MTMR7: variants seen among roughly 807,000 people sequenced by gnomAD.
MTMR7 encodes phosphatidylinositol-3-phosphate phosphatase MTMR7.
MTMR7 carries 76 observed loss-of-function variants against 81.2 expected under a neutral mutation model. The observed-to-expected ratio is 0.94, with a 90% CI of 0.78 to 1.13. The LOEUF is 1.13. MTMR7 is among the 50% of genes most tolerant of loss of function. MTMR7 has a pLI of 0.00. For synonymous variants in MTMR7, 372 were observed against 289.8 expected, an observed-to-expected ratio of 1.28 and a Z score of -2.88; for missense variants, 1,044 against 820.0, an observed-to-expected ratio of 1.27 and a Z score of -3.34.
chr8:17,329,831 G>A (rs1818903550), intron 7 of MTMR7, among the ~76,000 whole-genome samples: 1 of 152,168 alleles, frequency 6.6e-6, no homozygotes, highest in South Asian at 2.1e-4. Flanking sequence ...CATGCCCAGG[G>A]TATGATCACT....
At chr8:17,409,353 G>C (rs1283626891) in intron 1 of MTMR7, among the ~76,000 whole-genome samples, 1 of 152,002 alleles carries the variant, frequency 6.6e-6, no homozygotes, top group Non-Finnish European at 1.5e-5. Context: ...CCAGCTACTC[G>C]GGAGGCTGAG....
At chr8:17,364,104 A>G (rs1352160359) in intron 3 of MTMR7, among the ~76,000 whole-genome samples, 2 of 133,064 alleles carry the variant, frequency 1.5e-5, no homozygotes, top group African/African-American at 5.8e-5. Flanking sequence ...ATCTCGGCTC[A>G]CTGCAAGCTC....
At chr8:17,374,708 G>A (rs7386621) in intron 1 of MTMR7, among the ~76,000 whole-genome samples, 12,149 of 152,124 alleles carry the variant, frequency 0.08, 931 homozygotes, top group East Asian at 0.32. Context: ...AGCTACTCGG[G>A]AGGCTGAGGC....
At chr8:17,391,058 C>T (rs1000418984) in intron 1 of MTMR7, among the ~76,000 whole-genome samples, 5 of 152,166 alleles carry the variant, frequency 3.3e-5, no homozygotes, top group African/African-American at 1.2e-4. Flanking sequence ...CTGGGGAGAG[C>T]ATTCCAGGCA....
chr8:17,298,351 A>AT lies in MTMR7; in HGVS notation c.*1510dup, dbSNP rs780690489. On this transcript the variant is annotated 3_prime_UTR_variant, in exon 14 of 14. Transcript: ENST00000180173. ...TGAAAGAATTAATTACACTTGCTTT[A>AT]TTTTTTACATTAACAGTACTTTTAA... 2 of 152,038 alleles carry AT rather than the reference A, an allele frequency of 1.3e-5. No individual in the cohort carries two copies. The highest frequency in any genetic ancestry group is 1.9e-4 in the East Asian group (1 of 5,196). 9.4% of individuals were successfully genotyped at this position (152,038 alleles called of 1,614,324 possible). A position where few individuals can be genotyped will look rare whatever the true frequency, so the allele number is the denominator to read the frequency against.
At chr8:17,347,045 A>C (rs1028499263) in intron 5 of MTMR7, among the ~76,000 whole-genome samples, 1 of 151,932 alleles carries the variant, frequency 6.6e-6, no homozygotes, top group African/African-American at 2.4e-5. Flanking sequence ...AATGCAAAAC[A>C]ATTAGCTGGG....
At chr8:17,313,247 G>T (rs201394861) in intron 8 of MTMR7, 45 bp downstream of exon 8, 1 of 1,433,870 alleles carries the variant, frequency 7.0e-7, no homozygotes, top group Non-Finnish European at 9.8e-7. Context: ...GAAGTCAGTG[G>T]TTTGCTCATC....
intron 4 of MTMR7, among the ~76,000 whole-genome samples, chr8:17,351,332 T>C (rs1223249406): frequency 6.6e-6 from 1 of 152,146 alleles, no homozygotes; most frequent in Non-Finnish European, 1.5e-5. Flanking sequence ...CCTTTTATGG[T>C]CTTCTAAGGC....
chr8:17,406,457 C>T (rs892346836), intron 1 of MTMR7, among the ~76,000 whole-genome samples: 13 of 152,144 alleles, frequency 8.5e-5, no homozygotes, highest in African/African-American at 3.1e-4. Context: ...TTCACACCCA[C>T]CTGAATGGCT....
intron 8 of MTMR7, among the ~76,000 whole-genome samples, chr8:17,312,586 A>G (rs1264554423): frequency 6.6e-6 from 1 of 151,502 alleles, no homozygotes; most frequent in Non-Finnish European, 1.5e-5. Context: ...AAAAAAAAAA[A>G]AAAAAAAAAA....
At chr8:17,397,325 G>A (rs189103294) in intron 1 of MTMR7, among the ~76,000 whole-genome samples, 16 of 152,272 alleles carry the variant, frequency 1.1e-4, no homozygotes, top group African/African-American at 3.6e-4. Context: ...CCTGCCCTAG[G>A]CTAGAGGGGA....
intron 1 of MTMR7, among the ~76,000 whole-genome samples, chr8:17,392,939 T>C (rs922423411): frequency 1.3e-5 from 2 of 152,238 alleles, no homozygotes; most frequent in African/African-American, 4.8e-5. Flanking sequence ...AGCTAAAATG[T>C]ACTATGTGCC....
intron 1 of MTMR7, among the ~76,000 whole-genome samples, chr8:17,408,355 G>C (rs1482178696): frequency 2.3e-4 from 12 of 52,422 alleles, no homozygotes; most frequent in African/African-American, 4.6e-4. Flanking sequence ...CGCCACTGCA[G>C]TCCACAGTCC....
intron 1 of MTMR7, among the ~76,000 whole-genome samples, chr8:17,381,003 GAGAC>G (rs1236542811): frequency 1.3e-5 from 2 of 152,122 alleles, no homozygotes; most frequent in East Asian, 3.8e-4. Context: ...ACTAATGAAA[GAGAC>G]AGAACACTAA....
At position 17,349,170 on chromosome 8, in the gene MTMR7, G is replaced by C. The variant is rs1177054491; in HGVS notation, c.469-89C>G. On this transcript the variant is annotated intron_variant, in intron 4 of 13. Coordinates refer to ENST00000180173, the MANE Select transcript of MTMR7 (RefSeq NM_004686.5). The stretch of plus-strand genomic sequence containing the variant: ...GAAATTCCACTTCACCACGCTTACA[G>C]GTACATCCTTAAGTTCCCTTAACCA... 5 of 1,484,154 alleles carry C rather than the reference G, an allele frequency of 3.4e-6. No homozygotes were observed. The Admixed American group carries it at 5.2e-5, about 15-fold the overall frequency. The allele number at this position is 1,484,154 out of a possible 1,614,324, so 91.9% of individuals were successfully genotyped here.
chr8:17,326,104 C>CTAGGACT (rs1402294567), intron 7 of MTMR7, among the ~76,000 whole-genome samples: 1 of 152,144 alleles, frequency 6.6e-6, no homozygotes, highest in Non-Finnish European at 1.5e-5. Context: ...GAACCCAAAC[C>CTAGGACT]TAGGACTTCA....
chr8:17,331,838 A>G (rs1224709265), intron 6 of MTMR7, among the ~76,000 whole-genome samples: 16 of 152,206 alleles, frequency 1.1e-4, no homozygotes, highest in Admixed American at 1.0e-3. Context: ...AGGGAATGCA[A>G]CCAAGTCTCC....
At chr8:17,364,733 C>A (rs1197600811) in intron 3 of MTMR7, among the ~76,000 whole-genome samples, 1 of 152,208 alleles carries the variant, frequency 6.6e-6, no homozygotes, top group African/African-American at 2.4e-5. Context: ...CATGTTGTCA[C>A]AAATAACACA....
intron 8 of MTMR7, among the ~76,000 whole-genome samples, chr8:17,312,574 CAAAAAAAAAA>C (rs10617081): frequency 3.4e-5 from 3 of 87,252 alleles, no homozygotes; most frequent in East Asian, 3.5e-4. Context: ...GACTCCCTCT[CAAAAAAAAAA>C]AAAAAAAAAA....
Sources: gnomAD v4.1 joint callset for allele counts (sites outside exome capture counted in the v4.1 genomes callset) on GRCh38, gnomAD v4.1.1 for gene constraint, MANE v1.5 for transcripts, NCBI Gene and HGNC (gene_info 2026-07-23, HGNC 2026-07-21) for gene names.